The following C8orf34 variants were observed in gnomAD, a reference collection of about 807,000 sequenced individuals.
C8orf34 encodes chromosome 8 open reading frame 34, also known as uncharacterized protein C8orf34.
Under a neutral mutation model 68.3 loss-of-function variants are expected in C8orf34, and 65 were observed. The observed-to-expected ratio is 0.95, with a 90% CI of 0.78 to 1.17. The LOEUF (loss-of-function observed/expected upper bound fraction) is 1.17. Among genes scored for constraint, C8orf34 ranks in the 50% most tolerant of loss-of-function variants. The pLI is 0.00. For synonymous variants in C8orf34, 244 were observed against 241.2 expected (o/e 1.01, Z -0.11); for missense variants, 664 against 655.4 (o/e 1.01, Z -0.14).
intron 7 of C8orf34, among the ~76,000 whole-genome samples, chr8:68,550,154 T>C (rs1035592954): frequency 2.0e-5 from 3 of 151,846 alleles, no homozygotes; most frequent in Non-Finnish European, 1.5e-5. Flanking sequence ...TCTTGTTCTT[T>C]GTTCCTACTG....
chr8:68,625,543 G>C, intron 7 of C8orf34: 4 of 688,776 alleles, frequency 5.8e-6, no homozygotes, highest in Middle Eastern at 4.6e-4. Flanking sequence ...TAAGGGATGA[G>C]AACAGCATGT....
At chr8:68,434,164 A>G (rs910598158) in intron 1 of C8orf34, among the ~76,000 whole-genome samples, 2 of 152,184 alleles carry the variant, frequency 1.3e-5, no homozygotes, top group Admixed American at 6.5e-5. Flanking sequence ...TCTGGGGTAC[A>G]TGTACAGAAC....
chr8:68,450,219 A>G (rs1216855523), intron 3 of C8orf34, among the ~76,000 whole-genome samples: 2 of 152,144 alleles, frequency 1.3e-5, no homozygotes, highest in African/African-American at 4.8e-5. Flanking sequence ...TCACATCTTC[A>G]GATGCCACTT....
Position 68,815,989 on chromosome 8 carries a change from G to A in C8orf34, c.1609+44G>A, listed in dbSNP as rs1387515968. On this transcript the variant is annotated intron_variant, in intron 13 of 13. Transcript: ENST00000518698. Reference sequence around the variant, plus strand: ...CTTAATATCGATGTCGGGTAATGGCGGGTACCTTCTAAAACTGCTCAGGAT... The same window carrying A: ...CTTAATATCGATGTCGGGTAATGGCAGGTACCTTCTAAAACTGCTCAGGAT... The A allele has an allele frequency of 7.4e-6, 12 of 1,613,042 alleles. No individual in the cohort carries two copies. The African/African-American group carries it at 8.0e-5, about 11-fold the overall frequency.
At chr8:68,657,792 T>G (rs1369797075) in intron 8 of C8orf34, among the ~76,000 whole-genome samples, 3 of 152,214 alleles carry the variant, frequency 2.0e-5, no homozygotes, top group Non-Finnish European at 1.5e-5. Flanking sequence ...AAATCATTCC[T>G]GCCTCATTGC....
chr8:68,541,308 T>A (rs1001168853), intron 7 of C8orf34, among the ~76,000 whole-genome samples: 32 of 151,648 alleles, frequency 2.1e-4, no homozygotes, highest in South Asian at 4.2e-4. Context: ...ATTAAAAATT[T>A]AAAAAAAATT....
intron 7 of C8orf34, among the ~76,000 whole-genome samples, chr8:68,624,246 T>C (rs1394879285): frequency 2.2e-5 from 3 of 139,162 alleles, no homozygotes; most frequent in Non-Finnish European, 4.6e-5. Flanking sequence ...CACTCCAGCC[T>C]GGGGGACAGA....
intron 8 of C8orf34, among the ~76,000 whole-genome samples, chr8:68,674,848 TCAAACTCCCAAAGGTCC>T (rs538104094): frequency 2.7e-5 from 4 of 149,548 alleles, no homozygotes; most frequent in Non-Finnish European, 5.9e-5. Flanking sequence ...CATTTAATAG[TCAAACTCCCAAAGGTCC>T]CAAACTCCCA....
intron 12 of C8orf34, chr8:68,791,692 A>T (rs544080720): frequency 6.6e-6 from 1 of 152,142 alleles, no homozygotes; most frequent in Non-Finnish European, 1.5e-5. Flanking sequence ...AAACATTAAG[A>T]CTTCCCCACT....
At chr8:68,534,699 A>G in intron 7 of C8orf34, 1 of 985,370 alleles carries the variant, frequency 1.0e-6, no homozygotes, top group Non-Finnish European at 1.2e-6. Context: ...TGTGCTCCAT[A>G]ACTATACCTG....
At chr8:68,783,278 G>A (rs1198773148) in intron 11 of C8orf34, among the ~76,000 whole-genome samples, 2 of 152,062 alleles carry the variant, frequency 1.3e-5, no homozygotes, top group Non-Finnish European at 2.9e-5. Flanking sequence ...CCAGCACTTT[G>A]GGAGGCCAAG....
At chr8:68,380,069 C>T (rs867144525) in intron 1 of C8orf34, among the ~76,000 whole-genome samples, 20 of 152,026 alleles carry the variant, frequency 1.3e-4, no homozygotes, top group South Asian at 8.3e-4. Flanking sequence ...CCCGTGTTGC[C>T]CAGGTGGATC....
At position 68,656,711 on chromosome 8, in the gene C8orf34, C is replaced by A. The variant is rs181896855; in HGVS notation, c.1241+16200C>A. On this transcript the variant is annotated intron_variant, in intron 8 of 13. Transcript: ENST00000518698. ...TTGGTGACACCTTTCCTCCTCCTCT[C>A]ACAATGCCTATCCCCTTTACTCCAA... Among the ~76,000 whole-genome samples, 16 of 152,312 alleles carry A rather than the reference C, an allele frequency of 1.1e-4. No homozygotes were observed. In the East Asian group the frequency reaches 3.1e-3, roughly 29 times the overall value.
chr8:68,801,863 T>C (rs1485420534), intron 12 of C8orf34, among the ~76,000 whole-genome samples: 1 of 151,092 alleles, frequency 6.6e-6, no homozygotes, highest in Non-Finnish European at 1.5e-5. Flanking sequence ...AAATACCCTC[T>C]GTGATTACTG....
intron 1 of C8orf34, among the ~76,000 whole-genome samples, chr8:68,426,864 C>T (rs1276030808): frequency 7.0e-6 from 1 of 143,052 alleles, no homozygotes; most frequent in Non-Finnish European, 1.5e-5. Flanking sequence ...AGTGAAACTC[C>T]GTCTAAAAAA....
chr8:68,776,347 T>C, intron 10 of C8orf34, 52 bp from the exon 11 acceptor site: 1 of 1,400,670 alleles, frequency 7.1e-7, no homozygotes, highest in Admixed American at 1.7e-5. Flanking sequence ...TCTTTCATTC[T>C]TTTTCTCTCC....
chr8:68,393,959 C>T (rs1015455575), intron 1 of C8orf34, among the ~76,000 whole-genome samples: 2 of 152,018 alleles, frequency 1.3e-5, no homozygotes, highest in African/African-American at 4.8e-5. Context: ...AGAGGACTGG[C>T]TACATTCAAA....
At chr8:68,655,031 T>C (rs9298135) in intron 8 of C8orf34, among the ~76,000 whole-genome samples, 21,767 of 152,158 alleles carry the variant, frequency 0.14, 1,684 homozygotes, top group Middle Eastern at 0.23. Context: ...ATTGTCTGGA[T>C]TTTCTAGAGG....
intron 5 of C8orf34, among the ~76,000 whole-genome samples, chr8:68,515,988 G>T (rs990243074): frequency 6.6e-6 from 1 of 152,200 alleles, no homozygotes; most frequent in African/African-American, 2.4e-5. Flanking sequence ...AGATCAATGT[G>T]CATAGATGTT....
Sources: allele counts gnomAD v4.1 joint callset (sites outside exome capture counted in the v4.1 genomes callset), GRCh38; gene constraint gnomAD v4.1.1; transcripts MANE v1.5; gene names NCBI Gene and HGNC (gene_info 2026-07-23, HGNC 2026-07-21).